The following CAMSAP3 variants were observed in gnomAD, a reference collection of about 807,000 sequenced individuals.
The protein encoded by CAMSAP3 is calmodulin-regulated spectrin-associated protein 3.
Under a neutral mutation model 112.5 loss-of-function variants are expected in CAMSAP3, and 34 were observed. That is an observed-to-expected ratio of 0.30 (90% CI 0.23 to 0.40). CAMSAP3 has a LOEUF of 0.40. Ranked by LOEUF, CAMSAP3 falls within the 10% of genes least tolerant of loss-of-function variation. The pLI is 1.00. For synonymous variants in CAMSAP3, 868 were observed against 799.8 expected (o/e 1.09, Z -1.44); for missense variants, 1,602 against 1,770.3 (o/e 0.90, Z 1.71).
chr19:7,611,210 C>T lies in CAMSAP3; in HGVS notation c.1123+42C>T. On this transcript the variant is annotated intron_variant, in intron 9 of 16. Coordinates refer to ENST00000160298, the MANE Select transcript of CAMSAP3 (RefSeq NM_020902.2). This position sits in a 1 kb window ranked among gnomAD's most constrained non-coding sequence, Gnocchi z 6.9. ...TGGCTTCTGTCACGGGGGACCCCCCCACTCACAGACTGCCCCAGTGGGCCT... is the reference window on the plus strand; with the variant it reads ...TGGCTTCTGTCACGGGGGACCCCCCTACTCACAGACTGCCCCAGTGGGCCT... The T allele has an allele frequency of 1.3e-6, 2 of 1,582,260 alleles. No individual in the cohort carries two copies. The highest frequency in any genetic ancestry group is 1.3e-5 in the African/African-American group (1 of 74,464).
chr19:7,608,133 A>T lies in CAMSAP3; in HGVS notation c.629A>T (p.Tyr210Phe), dbSNP rs2030309149. The T allele has an allele frequency of 6.2e-7, 1 of 1,610,766 alleles. No homozygotes were observed. The highest frequency in any genetic ancestry group is 1.3e-5 in the African/African-American group (1 of 74,978). Residue 210 changes from tyrosine to phenylalanine, a missense_variant, in exon 5 of 17, where the codon TAC (tyrosine) becomes TTC (phenylalanine). Physicochemically the swap from Tyr to Phe is conservative, Grantham distance 22 (BLOSUM62 3). Coordinates refer to ENST00000160298, the MANE Select transcript of CAMSAP3 (RefSeq NM_020902.2). ...CCTGGCTCCCATCTGCAGATCCGAT[A>T]CCGCAAGGACCGTGTGGTGGCGCGA... ...GAAPAQPSIR[Y>F]RKDRVVARRA...
In CAMSAP3 at chr19:7,617,507, C is replaced by T. The variant is rs1445980925; in HGVS notation, c.3326-36C>T. On this transcript the variant is annotated intron_variant, in intron 15 of 16. Transcript: ENST00000160298. The surrounding 1 kb of genome is among the most constrained non-coding windows in gnomAD (Gnocchi z 7.5). ...CCTCCACAGCCCCTGCTCATTCCTGCTGCCCCCCACCCCCTCCCACTGCCT... is the reference window on the plus strand; with the variant it reads ...CCTCCACAGCCCCTGCTCATTCCTGTTGCCCCCCACCCCCTCCCACTGCCT... 1.9e-6 allele frequency: 3 copies of T among 1,608,318 alleles called. No homozygotes were observed. The Admixed American group carries it at 5.0e-5, about 27-fold the overall frequency.
At position 7,595,886 on chromosome 19, in the gene CAMSAP3, G is replaced by T. The variant is rs1457310427; in HGVS notation, c.-117G>T. 7.5e-6 allele frequency: 3 copies of T among 402,052 alleles called. No individual in the cohort carries two copies. The highest frequency in any genetic ancestry group is 9.6e-5 in the South Asian group (1 of 10,468). 24.9% of individuals were successfully genotyped at this position (402,052 alleles called of 1,614,324 possible). Reference sequence around the variant, plus strand: ...CCGCACCTGGCTCAGCAGCGGCGGCGGCGGCGGCGGCGGCAGCGGCGGTAG... The same window carrying T: ...CCGCACCTGGCTCAGCAGCGGCGGCTGCGGCGGCGGCGGCAGCGGCGGTAG... On this transcript the variant is annotated 5_prime_UTR_variant, in exon 1 of 17. Coordinates refer to ENST00000160298, the MANE Select transcript of CAMSAP3 (RefSeq NM_020902.2).
At position 7,618,161 on chromosome 19, in the gene CAMSAP3, C is replaced by G; in HGVS notation, c.*104C>G. On this transcript the variant is annotated 3_prime_UTR_variant, in exon 17 of 17. Coordinates refer to ENST00000160298, the MANE Select transcript of CAMSAP3 (RefSeq NM_020902.2). ...GGGTCCTGTCTGTCCCCAACCGTGT[C>G]TGGGTGGGGCTGGAGTCTCCACCCT... The G allele has an allele frequency of 1.6e-6, 2 of 1,279,822 alleles. No homozygotes were observed. Among genetic ancestry groups the G allele is most frequent in the Non-Finnish European group, 2.1e-6 (2 of 937,130 alleles). 79.3% of individuals were successfully genotyped at this position (1,279,822 alleles called of 1,614,324 possible).
chr19:7,617,863 G>T lies in CAMSAP3; in HGVS notation c.3556G>T (p.Ala1186Ser). 3 of 1,613,758 alleles carry T rather than the reference G, an allele frequency of 1.9e-6. No individual in the cohort carries two copies. Among genetic ancestry groups the T allele is most frequent in the Non-Finnish European group, 2.5e-6 (3 of 1,180,024 alleles). Residue 1186 changes from alanine (A) to serine (S), a missense_variant, in exon 17 of 17, where the codon GCA (alanine) becomes TCA (serine). Ala to Ser is a moderately conservative substitution (Grantham distance 99). Around this residue, in one of 6 missense-constraint regions of CAMSAP3, gnomAD observed 150 missense variants for 207.6 expected, o/e 0.72. Transcript: ENST00000160298. This position sits in a 1 kb window ranked among gnomAD's most constrained non-coding sequence, Gnocchi z 7.5. ...GGAGACAGAGGAGCTGTCGCGGCTG[G>T]CAGGGTATGGGCCCCGGACCGTCAC... ...SGETEELSRLAGYGPRTVTPA... is the reference protein window; with the variant it reads ...SGETEELSRLSGYGPRTVTPA...
chr19:7,604,825 G>C (rs2030123416), intron 1 of CAMSAP3, among the ~76,000 whole-genome samples: 1 of 152,194 alleles, frequency 6.6e-6, no homozygotes, highest in Non-Finnish European at 1.5e-5. Context: ...GTAAGGCTCA[G>C]TGAGTCTACA....
rs558267944 is a variant in CAMSAP3, at chr19:7,611,806, C to T, written c.1313C>T (p.Pro438Leu). ...GTGAGCTCGGACAGCCTGGGCCCCC[C>T]GCGTCCCGCGCCGGCCAGGACCCCC... ...RSVSSDSLGP[P>L]RPAPARTPTQ... is the part of the protein sequence containing the mutation. The change falls in exon 11 of 17, where the codon CCG becomes CTG. Residue 438 changes from proline to leucine, a missense_variant. Physicochemically the swap from Pro to Leu is moderately conservative, Grantham distance 98 (BLOSUM62 -3). This residue lies in a region of CAMSAP3 where 1,100 missense variants were observed against 1,135.7 expected (regional missense o/e 0.97). Transcript: ENST00000160298. The surrounding 1 kb of genome is among the most constrained non-coding windows in gnomAD (Gnocchi z 6.9). 4.6e-5 allele frequency: 74 copies of T among 1,594,276 alleles called. No individual in the cohort carries two copies. The African/African-American group carries it at 4.8e-4, about 10-fold the overall frequency.
intron 1 of CAMSAP3, among the ~76,000 whole-genome samples, chr19:7,601,101 T>C (rs2029947079): frequency 6.6e-6 from 1 of 152,110 alleles, no homozygotes; most frequent in Non-Finnish European, 1.5e-5. Context: ...ATGTAAAATA[T>C]ACTCAGGGTT....
chr19:7,607,825 C>T lies in CAMSAP3; in HGVS notation c.622-301C>T. The T allele has an allele frequency of 7.3e-7, 1 of 1,364,960 alleles. No homozygotes were observed. The highest frequency in any genetic ancestry group is 9.9e-7 in the Non-Finnish European group (1 of 1,010,538). 84.6% of individuals were successfully genotyped at this position (1,364,960 alleles called of 1,614,324 possible). On this transcript the variant is annotated intron_variant, in intron 4 of 16. Coordinates refer to ENST00000160298, the MANE Select transcript of CAMSAP3 (RefSeq NM_020902.2). The surrounding 1 kb of genome is among the most constrained non-coding windows in gnomAD (Gnocchi z 4.9). ...TGGCTGCTCCTCTCCCCCCAGCACG[C>T]AATTGCCTTCTGTTTGAAGGAGTCG...
At position 7,595,887 on chromosome 19, in the gene CAMSAP3, G is replaced by C. The variant is rs1418495734; in HGVS notation, c.-116G>C. On this transcript the variant is annotated 5_prime_UTR_variant, in exon 1 of 17. Transcript: ENST00000160298. ...CGCACCTGGCTCAGCAGCGGCGGCG[G>C]CGGCGGCGGCGGCAGCGGCGGTAGC... The C allele has an allele frequency of 4.8e-6, 2 of 413,322 alleles. No individual in the cohort carries two copies. The highest frequency in any genetic ancestry group is 6.5e-6 in the Non-Finnish European group (2 of 308,994). 25.6% of individuals were successfully genotyped at this position (413,322 alleles called of 1,614,324 possible). A position where few individuals can be genotyped will look rare whatever the true frequency, so the allele number is the denominator to read the frequency against.
intron 2 of CAMSAP3, 68 bp from the exon 3 acceptor site, chr19:7,606,203 G>A: frequency 1.6e-6 from 2 of 1,279,902 alleles, no homozygotes; most frequent in South Asian, 2.3e-5. Context: ...CCTTTTCCCA[G>A]GCCCTTGGGG....
rs2030401939 is a variant in CAMSAP3 at position 7,610,147 on chromosome 19, T to C, written c.761-329T>C. Among the ~76,000 whole-genome samples the C allele has an allele frequency of 6.6e-6, 1 of 151,862 alleles. No homozygotes were observed. On this transcript the variant is annotated intron_variant, in intron 5 of 16. Transcript: ENST00000160298. The surrounding 1 kb of genome is among the most constrained non-coding windows in gnomAD (Gnocchi z 4.9). ...TCCTGGCTAACACGGTGAAACCCCA[T>C]CTCTACTAAAACCACAAAAAATTAG... is the stretch of plus-strand genomic sequence containing the variant.
At position 7,612,573 on chromosome 19, in the gene CAMSAP3, G is replaced by C. The variant is rs910881106; in HGVS notation, c.2080G>C (p.Glu694Gln). The change falls in exon 11 of 17, where the codon GAG becomes CAG. Residue 694 changes from glutamate to glutamine, a missense_variant. By Grantham distance (29) the Glu-to-Gln change is conservative (BLOSUM62 2). Transcript: ENST00000160298. ...GCCAGACCTGGGCCCGGTGCCCCAC[G>C]AGGGGCTGGGGGAATACAATCGAGC... ...FSPDLGPVPH[E>Q]GLGEYNRAVS... is the part of the protein sequence containing the mutation. 1.2e-5 allele frequency: 18 copies of C among 1,534,580 alleles called. No homozygotes were observed. The highest frequency in any genetic ancestry group is 1.6e-5 in the Non-Finnish European group (18 of 1,145,304).
In CAMSAP3 at chr19:7,607,503, A is replaced by T. The variant is rs1255327001; in HGVS notation, c.622-623A>T. On this transcript the variant is annotated intron_variant, in intron 4 of 16. Transcript: ENST00000160298. This position sits in a 1 kb window ranked among gnomAD's most constrained non-coding sequence, Gnocchi z 4.9. ...CTGGCTGGCGTCCCCACCTTTGCTC[A>T]CTCCTTCCCCCACCCTGGGGCCTGG... Among the ~76,000 whole-genome samples, 1 of 151,538 alleles carries T rather than the reference A, an allele frequency of 6.6e-6. No individual in the cohort carries two copies. The highest frequency in any genetic ancestry group is 1.5e-5 in the Non-Finnish European group (1 of 67,840).
At position 7,607,737 on chromosome 19, in the gene CAMSAP3, TA is replaced by T; in HGVS notation, c.622-388del. On this transcript the variant is annotated intron_variant, in intron 4 of 16. Coordinates refer to ENST00000160298, the MANE Select transcript of CAMSAP3 (RefSeq NM_020902.2). This position sits in a 1 kb window ranked among gnomAD's most constrained non-coding sequence, Gnocchi z 4.9. ...CGGGGCTCAGGACCAGGGTCAGGGC[TA>T]CCCCCTCCCCCCCAAGGTGGGCTTG... 1.8e-6 allele frequency: 1 copy of T among 552,230 alleles called. No homozygotes were observed. Among genetic ancestry groups the T allele is most frequent in the Non-Finnish European group, 3.3e-6 (1 of 305,836 alleles). The allele number at this position is 552,230 out of a possible 1,614,324, so 34.2% of individuals were successfully genotyped here.
chr19:7,604,346 T>C (rs555422086), intron 1 of CAMSAP3, among the ~76,000 whole-genome samples: 1 of 152,226 alleles, frequency 6.6e-6, no homozygotes, highest in Non-Finnish European at 1.5e-5. Flanking sequence ...TCAGGCTGTC[T>C]CTATGATGTG....
At chr19:7,599,305 A>T (rs983835924) in intron 1 of CAMSAP3, among the ~76,000 whole-genome samples, 1 of 42,884 alleles carries the variant, frequency 2.3e-5, no homozygotes, top group Admixed American at 3.5e-4. Context: ...CACCCCACTC[A>T]TCCATCCACC....
At chr19:7,608,044 C>A (rs559545477) in intron 4 of CAMSAP3, 82 bp from the exon 5 acceptor site, 45 of 1,538,092 alleles carry the variant, frequency 2.9e-5, no homozygotes, top group Non-Finnish European at 3.8e-5. Flanking sequence ...GGCGGAAACC[C>A]CAGGCCTCCC....
intron 11 of CAMSAP3, among the ~76,000 whole-genome samples, chr19:7,613,836 A>T (rs542854295): frequency 6.6e-6 from 1 of 151,758 alleles, no homozygotes; most frequent in East Asian, 1.9e-4. Context: ...CTCCATTCCC[A>T]TGGCTTTCCC....
Sources: allele counts gnomAD v4.1 joint callset (sites outside exome capture counted in the v4.1 genomes callset), GRCh38; gene constraint gnomAD v4.1.1; regional missense constraint gnomAD v4.1.1; non-coding constraint Gnocchi (gnomAD v3.1); transcripts MANE v1.5; gene names NCBI Gene and HGNC (gene_info 2026-07-23, HGNC 2026-07-21).